Variants in CUL1 observed in about 807,000 individuals in gnomAD.
The protein encoded by CUL1 is cullin 1.
A neutral mutation model predicts 118.0 loss-of-function variants in CUL1; 24 were observed. The ratio of observed to expected loss-of-function variants is 0.20; its 90% confidence interval spans 0.15 to 0.29. The LOEUF (loss-of-function observed/expected upper bound fraction) is 0.29. Among genes scored for constraint, CUL1 ranks in the 10% least tolerant of loss-of-function variants. The probability of loss-of-function intolerance (pLI) is 1.00; values close to 1 mark genes in which losing one functional copy is unlikely to be tolerated. For synonymous variants in CUL1, 332 were observed against 340.4 expected, an observed-to-expected ratio of 0.98 and a Z score of 0.27; for missense variants, 361 against 933.8, an observed-to-expected ratio of 0.39 and a Z score of 7.99.
chr7:148,747,353 G>C (rs768612366), intron 2 of CUL1, among the ~76,000 whole-genome samples: 1 of 152,190 alleles, frequency 6.6e-6, no homozygotes, highest in Non-Finnish European at 1.5e-5. Flanking sequence ...GTAATGCTCT[G>C]CACAAAAGTA....
intron 1 of CUL1, among the ~76,000 whole-genome samples, chr7:148,728,915 C>T (rs1798668785): frequency 6.6e-6 from 1 of 152,200 alleles, no homozygotes; most frequent in African/African-American, 2.4e-5. Flanking sequence ...GCTTTGATAA[C>T]CTAGCCTCAT....
chr7:148,789,618 AG>A lies in CUL1; in HGVS notation c.1598-131del, dbSNP rs758583350. The A allele has an allele frequency of 1.4e-5, 10 of 718,884 alleles. 1 individual carries two copies. The highest frequency in any genetic ancestry group is 1.1e-4 in the African/African-American group (6 of 56,588). 44.5% of individuals were successfully genotyped at this position (718,884 alleles called of 1,614,324 possible). The stretch of plus-strand genomic sequence containing the variant: ...TGTTCAATTCTTAATTTTATATTCA[AG>A]CAGGATTTTTATTTAATGTGCTTTT... On this transcript the variant is annotated intron_variant, in intron 14 of 21. Transcript: ENST00000325222.
In CUL1 at chr7:148,798,569, T is replaced by C. The variant is rs898234094; in HGVS notation, c.2031-3T>C. 11 of 1,606,074 alleles carry C rather than the reference T, an allele frequency of 6.8e-6. No homozygotes were observed. The highest frequency in any genetic ancestry group is 8.5e-6 in the Non-Finnish European group (10 of 1,172,774). ...TGATCGGTTTCCTCATTTTTCTTGA[T>C]AGTAAGAAATTAAGGGTTAACATCA... On this transcript the variant is annotated splice_region_variant and splice_polypyrimidine_tract_variant and intron_variant, in intron 19 of 21. Transcript: ENST00000325222.
chr7:148,798,756 G>C, intron 20 of CUL1, 79 bp downstream of exon 20: 1 of 1,184,918 alleles, frequency 8.4e-7, no homozygotes, highest in Non-Finnish European at 1.3e-6. Context: ...GTGGGGGGTA[G>C]GCGGGGGTGA....
At chr7:148,789,046 A>G (rs1246732021) in intron 14 of CUL1, among the ~76,000 whole-genome samples, 2 of 152,214 alleles carry the variant, frequency 1.3e-5, no homozygotes, top group Non-Finnish European at 2.9e-5. Context: ...GACTGGGATT[A>G]GGGATCAGTA....
At chr7:148,727,233 A>G (rs995342355) in intron 1 of CUL1, among the ~76,000 whole-genome samples, 3 of 152,232 alleles carry the variant, frequency 2.0e-5, no homozygotes, top group African/African-American at 7.2e-5. Flanking sequence ...TGCAGTGACC[A>G]AAATAATACA....
intron 1 of CUL1, among the ~76,000 whole-genome samples, chr7:148,701,776 TGAG>T (rs1224496630): frequency 6.6e-6 from 1 of 152,190 alleles, no homozygotes; most frequent in African/African-American, 2.4e-5. Context: ...TACTTTAAAT[TGAG>T]GAGTTGTTAC....
chr7:148,744,624 C>T (rs181670322), intron 2 of CUL1, among the ~76,000 whole-genome samples: 212 of 152,068 alleles, frequency 1.4e-3, no homozygotes, highest in African/African-American at 4.7e-3. Context: ...ACCCACAAGA[C>T]GATATTATAA....
At chr7:148,784,168 A>T in intron 11 of CUL1, 91 bp downstream of exon 11, 1 of 1,022,848 alleles carries the variant, frequency 9.8e-7, no homozygotes, top group Admixed American at 2.2e-5. Flanking sequence ...TTTTACATAC[A>T]TTAAATTGGA....
At chr7:148,733,353 A>G (rs2129459690) in intron 2 of CUL1, among the ~76,000 whole-genome samples, 1 of 152,320 alleles carries the variant, frequency 6.6e-6, no homozygotes. Flanking sequence ...AACTCTTCAC[A>G]TATCTTTTCA....
At position 148,797,719 on chromosome 7, in the gene CUL1, T is replaced by A. The variant is rs62708960; in HGVS notation, c.1900-93T>A. 2.6e-3 allele frequency: 2,174 copies of A among 832,586 alleles called. 7 individuals carry two copies. Among genetic ancestry groups the A allele is most frequent in the Non-Finnish European group, 3.5e-3 (1,892 of 536,348 alleles). The allele number at this position is 832,586 out of a possible 1,614,324, so 51.6% of individuals were successfully genotyped here. A position where few individuals can be genotyped will look rare whatever the true frequency, so the allele number is the denominator to read the frequency against. ...TTTGGGTGATTTTTTTTTTTTTTTT[T>A]AATGGAAAATGGACTGTGAGGTTGC... is the stretch of plus-strand genomic sequence containing the variant. On this transcript the variant is annotated intron_variant, in intron 17 of 21. Coordinates refer to ENST00000325222, the MANE Select transcript of CUL1 (RefSeq NM_003592.3).
intron 3 of CUL1, among the ~76,000 whole-genome samples, chr7:148,756,647 T>A (rs1435003283): frequency 4.6e-5 from 7 of 152,156 alleles, no homozygotes; most frequent in Admixed American, 6.5e-5. Context: ...AATTTTTTTT[T>A]AAACAAATAT....
chr7:148,718,718 A>AT (rs11343118), intron 1 of CUL1, among the ~76,000 whole-genome samples: 42 of 151,790 alleles, frequency 2.8e-4, no homozygotes, highest in South Asian at 2.1e-3. Context: ...TGGATGTATG[A>AT]TTTTTTTTGT....
intron 1 of CUL1, among the ~76,000 whole-genome samples, chr7:148,715,313 G>A (rs1403281603): frequency 2.0e-5 from 3 of 152,136 alleles, no homozygotes; most frequent in Non-Finnish European, 4.4e-5. Context: ...TGAGCGAGTC[G>A]TTTCCATTTC....
rs1307152008 is a variant in CUL1, at chr7:148,800,317, G to A, written c.2251-185G>A. On this transcript the variant is annotated intron_variant, in intron 21 of 21. Transcript: ENST00000325222. The surrounding 1 kb of genome is among the most constrained non-coding windows in gnomAD (Gnocchi z 4.6). ...CCCTCAGCAAGTGTCAGGGAGCTCC[G>A]TGCATGAAGGCTTAGCTGCCAGGAA... Among the ~76,000 whole-genome samples, 2 of 152,160 alleles carry A rather than the reference G, an allele frequency of 1.3e-5. No homozygotes were observed. The highest frequency in any genetic ancestry group is 4.8e-5 in the African/African-American group (2 of 41,440).
intron 9 of CUL1, among the ~76,000 whole-genome samples, chr7:148,781,025 C>CTT (rs1800609257): frequency 6.7e-6 from 1 of 148,980 alleles, no homozygotes; most frequent in East Asian, 2.0e-4. Context: ...TTGACCAGTT[C>CTT]CTAAATGGCT....
intron 17 of CUL1, among the ~76,000 whole-genome samples, chr7:148,795,499 G>A (rs1398608454): frequency 6.6e-6 from 1 of 152,014 alleles, no homozygotes; most frequent in East Asian, 2.0e-4. Flanking sequence ...GGGTGTGGTG[G>A]CTCACGCCTG....
chr7:148,771,832 A>C (rs1207974383), intron 9 of CUL1, among the ~76,000 whole-genome samples: 1 of 152,150 alleles, frequency 6.6e-6, no homozygotes, highest in Non-Finnish European at 1.5e-5. Flanking sequence ...AATAGTCTAT[A>C]TTAAAATATA....
intron 2 of CUL1, among the ~76,000 whole-genome samples, chr7:148,736,477 A>AT (rs1333132155): frequency 6.6e-6 from 1 of 151,528 alleles, no homozygotes; most frequent in Non-Finnish European, 1.5e-5. Context: ...CTAATTTTTT[A>AT]TTTTTTGCAG....
Sources: gnomAD v4.1 joint callset for allele counts (sites outside exome capture counted in the v4.1 genomes callset) on GRCh38, gnomAD v4.1.1 for gene constraint, Gnocchi (gnomAD v3.1) non-coding constraint, MANE v1.5 for transcripts, NCBI Gene and HGNC (gene_info 2026-07-23, HGNC 2026-07-21) for gene names.